SORCS3: variants seen among roughly 807,000 people sequenced by gnomAD.
SORCS3 encodes the protein sortilin related VPS10 domain containing receptor 3.
Under a neutral mutation model 146.3 loss-of-function variants are expected in SORCS3, and 57 were observed. That is an observed-to-expected ratio of 0.39 (90% CI 0.31 to 0.49). SORCS3 has a LOEUF of 0.49. SORCS3 is among the 20% of genes least tolerant of loss of function. SORCS3 has a pLI of 0.92. For synonymous variants in SORCS3, 653 were observed against 618.5 expected (o/e 1.06, Z -0.83); for missense variants, 1,341 against 1,575.5 (o/e 0.85, Z 2.52).
At chr10:105,013,123 T>C (rs568170728) in intron 4 of SORCS3, among the ~76,000 whole-genome samples, 61 of 152,126 alleles carry the variant, frequency 4.0e-4, no homozygotes, top group Non-Finnish European at 7.8e-4. Context: ...AGTCTCTCAA[T>C]TGACTCATGA....
chr10:104,674,694 A>G (rs1305616952), intron 1 of SORCS3, among the ~76,000 whole-genome samples: 4 of 152,202 alleles, frequency 2.6e-5, no homozygotes, highest in Admixed American at 2.6e-4. Context: ...GTTGTTTTAA[A>G]CTGTTCAGTT....
At chr10:104,789,427 T>C (rs1235852297) in intron 1 of SORCS3, among the ~76,000 whole-genome samples, 1 of 152,164 alleles carries the variant, frequency 6.6e-6, no homozygotes, top group East Asian at 1.9e-4. Flanking sequence ...AAAGGCATCT[T>C]GTCTCCTGTT....
At chr10:105,196,934 C>A (rs577964803) in intron 14 of SORCS3, among the ~76,000 whole-genome samples, 3 of 152,290 alleles carry the variant, frequency 2.0e-5, no homozygotes, top group South Asian at 4.2e-4. Flanking sequence ...TCCCCTGGGG[C>A]TCTAGGGGAG....
At chr10:104,696,166 AATAT>A (rs541847654) in intron 1 of SORCS3, among the ~76,000 whole-genome samples, 2,263 of 118,632 alleles carry the variant, frequency 0.019, 154 homozygotes, top group South Asian at 0.03. Context: ...ATACACATAT[AATAT>A]ATAATATATA....
At chr10:104,970,636 G>GA (rs1012792964) in intron 3 of SORCS3, among the ~76,000 whole-genome samples, 1 of 151,868 alleles carries the variant, frequency 6.6e-6, no homozygotes, top group Admixed American at 6.6e-5. Flanking sequence ...ACACATGAGT[G>GA]AAAAAAAGTC....
intron 1 of SORCS3, among the ~76,000 whole-genome samples, chr10:104,823,179 A>G (rs2133530109): frequency 6.6e-6 from 1 of 152,268 alleles, no homozygotes; most frequent in Non-Finnish European, 1.5e-5. Context: ...GGGCACAGGG[A>G]GAACCTAGGC....
chr10:104,685,320 G>C (rs1166220517), intron 1 of SORCS3, among the ~76,000 whole-genome samples: 1 of 152,076 alleles, frequency 6.6e-6, no homozygotes, highest in Non-Finnish European at 1.5e-5. Flanking sequence ...GTCACCCTGG[G>C]TTGCTTCTAA....
At chr10:104,992,980 T>C (rs17197764) in intron 4 of SORCS3, among the ~76,000 whole-genome samples, 6,937 of 152,110 alleles carry the variant, frequency 0.046, 243 homozygotes, top group Admixed American at 0.099. Flanking sequence ...TGTATAAAGG[T>C]TATAATTATG....
chr10:105,055,512 C>T (rs1477153174), intron 5 of SORCS3, among the ~76,000 whole-genome samples: 3 of 152,164 alleles, frequency 2.0e-5, no homozygotes, highest in Non-Finnish European at 2.9e-5. Flanking sequence ...GATGCTACAT[C>T]CTGCCTTTGC....
chr10:104,879,107 G>A (rs1214776925), intron 2 of SORCS3, among the ~76,000 whole-genome samples: 3 of 152,218 alleles, frequency 2.0e-5, no homozygotes, highest in African/African-American at 7.2e-5. Context: ...ATCAGCATAT[G>A]TTAGTTTTCT....
chr10:105,065,035 C>CGATT (rs2133721410), intron 5 of SORCS3, among the ~76,000 whole-genome samples: 1 of 152,260 alleles, frequency 6.6e-6, no homozygotes, highest in East Asian at 1.9e-4. Context: ...AAAACTAAAT[C>CGATT]ACGTAGGGTG....
intron 3 of SORCS3, among the ~76,000 whole-genome samples, chr10:104,976,875 C>A (rs555197680): frequency 6.6e-6 from 1 of 151,166 alleles, no homozygotes; most frequent in Non-Finnish European, 1.5e-5. Context: ...CGCATGGACA[C>A]AGGAAGGGGA....
intron 1 of SORCS3, among the ~76,000 whole-genome samples, chr10:104,703,194 CG>C (rs1246969554): frequency 6.6e-6 from 1 of 152,062 alleles, no homozygotes; most frequent in Non-Finnish European, 1.5e-5. Flanking sequence ...TAAAATGATT[CG>C]GGTTGAGGGC....
chr10:105,209,679 A>C (rs2056622918), intron 16 of SORCS3, among the ~76,000 whole-genome samples: 2 of 152,206 alleles, frequency 1.3e-5, no homozygotes, highest in Admixed American at 1.3e-4. Context: ...AAGAAGGATA[A>C]GTAGGAAACT....
chr10:104,945,236 C>CTGTTTTGTTTTGTTT (rs10528591), intron 3 of SORCS3, among the ~76,000 whole-genome samples: 5,934 of 151,426 alleles, frequency 0.039, 272 homozygotes, highest in African/African-American at 0.11. Context: ...TGCTAATTTT[C>CTGTTTTGTTTTGTTT]TGTTTTGTTT....
At chr10:104,971,072 G>A (rs754377565) in intron 3 of SORCS3, among the ~76,000 whole-genome samples, 1 of 152,214 alleles carries the variant, frequency 6.6e-6, no homozygotes, top group Non-Finnish European at 1.5e-5. Flanking sequence ...TTCCAAAAAA[G>A]TTGTGCTTCT....
intron 4 of SORCS3, among the ~76,000 whole-genome samples, chr10:104,990,297 A>G (rs73351644): frequency 0.088 from 13,447 of 152,306 alleles, 721 homozygotes; most frequent in African/African-American, 0.15. Flanking sequence ...AAAGTTGGCC[A>G]GCTTCGTAGC....
chr10:105,209,245 G>A (rs934210483), intron 16 of SORCS3, among the ~76,000 whole-genome samples: 5 of 152,026 alleles, frequency 3.3e-5, no homozygotes, highest in African/African-American at 7.2e-5. Flanking sequence ...GGGTTCAAGC[G>A]ATTCTCCTTC....
intron 1 of SORCS3, among the ~76,000 whole-genome samples, chr10:104,724,344 A>C (rs1037087595): frequency 3.9e-5 from 6 of 152,116 alleles, no homozygotes; most frequent in Non-Finnish European, 8.8e-5. Flanking sequence ...CCGAGAGATC[A>C]GCTGTTAGTC....
Sources: allele counts gnomAD v4.1 joint callset (sites outside exome capture counted in the v4.1 genomes callset), GRCh38; gene constraint gnomAD v4.1.1; transcripts MANE v1.5; gene names NCBI Gene and HGNC (gene_info 2026-07-23, HGNC 2026-07-21).